Variants in MACROD2 observed in about 807,000 individuals in gnomAD.
The protein encoded by MACROD2 is mono-ADP ribosylhydrolase 2.
In MACROD2, 36 loss-of-function variants were observed where a neutral mutation model predicts 70.4. That is an observed-to-expected ratio of 0.51 (90% confidence interval 0.39 to 0.68). The LOEUF (loss-of-function observed/expected upper bound fraction) is 0.68, where lower values mean the gene tolerates loss of function less well. MACROD2 is among the 30% of genes least tolerant of loss of function. MACROD2 has a pLI of 0.00. For missense variants in MACROD2, 496 were observed against 538.4 expected, an observed-to-expected ratio of 0.92 and a Z score of 0.78; for synonymous variants, 172 against 178.8, an observed-to-expected ratio of 0.96 and a Z score of 0.30.
chr20:15,133,365 G>T (rs1314677504), intron 5 of MACROD2, among the ~76,000 whole-genome samples: 1 of 151,972 alleles, frequency 6.6e-6, no homozygotes, highest in East Asian at 1.9e-4. Flanking sequence ...AGAAAAATAT[G>T]AACAGTTCAT....
intron 4 of MACROD2, among the ~76,000 whole-genome samples, chr20:14,520,804 G>C (rs574054047): frequency 4.0e-5 from 6 of 151,624 alleles, no homozygotes; most frequent in African/African-American, 1.5e-4. Flanking sequence ...TTTTTTTCTT[G>C]TTTGTTATAG....
intron 5 of MACROD2, among the ~76,000 whole-genome samples, chr20:15,224,054 T>G (rs1203661022): frequency 6.6e-6 from 1 of 152,084 alleles, no homozygotes; most frequent in Non-Finnish European, 1.5e-5. Context: ...TGAGACCACA[T>G]GAAGAGAGAA....
At chr20:15,324,705 C>A (rs544429915) in intron 6 of MACROD2, among the ~76,000 whole-genome samples, 1 of 152,218 alleles carries the variant, frequency 6.6e-6, no homozygotes, top group South Asian at 2.1e-4. Context: ...CGAAGGAGGT[C>A]TTTTTTGTCC....
At chr20:15,343,021 T>A (rs1047048266) in intron 6 of MACROD2, among the ~76,000 whole-genome samples, 20 of 152,230 alleles carry the variant, frequency 1.3e-4, no homozygotes, top group African/African-American at 4.6e-4. Flanking sequence ...TTAATGATTA[T>A]AAAGTGCTTT....
At chr20:15,139,266 C>T (rs1465755425) in intron 5 of MACROD2, among the ~76,000 whole-genome samples, 1 of 152,118 alleles carries the variant, frequency 6.6e-6, no homozygotes, top group Non-Finnish European at 1.5e-5. Context: ...CAGGGAAGAG[C>T]AGGGAGTATA....
intron 4 of MACROD2, among the ~76,000 whole-genome samples, chr20:14,588,794 C>T (rs1186535956): frequency 6.6e-6 from 1 of 152,180 alleles, no homozygotes; most frequent in African/African-American, 2.4e-5. Context: ...ACATGATAAA[C>T]ATTGTACGAC....
intron 8 of MACROD2, among the ~76,000 whole-genome samples, chr20:15,803,419 A>C (rs1391769333): frequency 6.6e-6 from 1 of 152,178 alleles, no homozygotes; most frequent in Non-Finnish European, 1.5e-5. Flanking sequence ...GGATGAAAAG[A>C]AAGAGAAAAT....
At chr20:15,065,517 C>T (rs1410181240) in intron 5 of MACROD2, among the ~76,000 whole-genome samples, 1 of 152,008 alleles carries the variant, frequency 6.6e-6, no homozygotes, top group East Asian at 1.9e-4. Flanking sequence ...TAGCCAGGCT[C>T]GGTGGCAGCG....
At chr20:15,464,923 T>G (rs894709356) in intron 7 of MACROD2, among the ~76,000 whole-genome samples, 3 of 152,182 alleles carry the variant, frequency 2.0e-5, no homozygotes, top group African/African-American at 7.2e-5. Flanking sequence ...GCATAAACAC[T>G]GGGTAGGACT....
At chr20:14,716,739 T>C (rs974643831) in intron 5 of MACROD2, among the ~76,000 whole-genome samples, 1 of 152,060 alleles carries the variant, frequency 6.6e-6, no homozygotes, top group Non-Finnish European at 1.5e-5. Flanking sequence ...AAAAAATGTG[T>C]AATTGAAACA....
At chr20:14,074,317 C>A (rs74389455) in intron 2 of MACROD2, among the ~76,000 whole-genome samples, 1 of 152,032 alleles carries the variant, frequency 6.6e-6, no homozygotes, top group Non-Finnish European at 1.5e-5. Context: ...AGTTAATGGT[C>A]CTGTGATACG....
rs557699516 is a variant in MACROD2, at chr20:15,516,376, T to C, written c.645+16529T>C. On this transcript the variant is annotated intron_variant, in intron 8 of 17. Transcript: ENST00000684519. ...AGTCTTTATTTATTTATTTAGCAAA[T>C]ATTCACTGAGTAGCTGGCACACCCT... Among the ~76,000 whole-genome samples, 5 of 152,306 alleles carry C rather than the reference T, an allele frequency of 3.3e-5. No homozygotes were observed. In the East Asian group the frequency reaches 9.6e-4, roughly 29 times the overall value.
chr20:15,730,571 A>G (rs2050932311), intron 8 of MACROD2, among the ~76,000 whole-genome samples: 1 of 152,032 alleles, frequency 6.6e-6, no homozygotes, highest in South Asian at 2.1e-4. Context: ...GCCTGATGGG[A>G]TTCTCTTTGT....
chr20:15,125,919 A>T (rs1044690303), intron 5 of MACROD2, among the ~76,000 whole-genome samples: 2 of 120,718 alleles, frequency 1.7e-5, no homozygotes, highest in Non-Finnish European at 4.2e-5. Flanking sequence ...GACATTTCAT[A>T]TAAATACAGT....
At chr20:14,714,170 A>C (rs2123668861) in intron 5 of MACROD2, among the ~76,000 whole-genome samples, 1 of 152,308 alleles carries the variant, frequency 6.6e-6, no homozygotes. Flanking sequence ...GGGTACGTGG[A>C]AAATGACAGA....
At chr20:14,769,902 T>C (rs893633832) in intron 5 of MACROD2, among the ~76,000 whole-genome samples, 1 of 152,014 alleles carries the variant, frequency 6.6e-6, no homozygotes, top group African/African-American at 2.4e-5. Context: ...ACACAGAAAC[T>C]AATTAAATGT....
chr20:15,504,212 C>T (rs2032704068), intron 8 of MACROD2, among the ~76,000 whole-genome samples: 1 of 152,096 alleles, frequency 6.6e-6, no homozygotes, highest in African/African-American at 2.4e-5. Context: ...CTGTTGCCCA[C>T]CATCCACTTG....
chr20:14,156,318 G>A (rs1407053040), intron 3 of MACROD2, among the ~76,000 whole-genome samples: 2 of 152,080 alleles, frequency 1.3e-5, no homozygotes, highest in East Asian at 3.8e-4. Flanking sequence ...AATATTTTAA[G>A]GAATGTATTG....
intron 2 of MACROD2, among the ~76,000 whole-genome samples, chr20:14,070,472 T>G (rs2053823420): frequency 6.6e-6 from 1 of 152,170 alleles, no homozygotes; most frequent in Non-Finnish European, 1.5e-5. Flanking sequence ...CCGTAAAACC[T>G]CTTACCGAAC....
Sources: gnomAD v4.1 joint callset for allele counts (sites outside exome capture counted in the v4.1 genomes callset) on GRCh38, gnomAD v4.1.1 for gene constraint, MANE v1.5 for transcripts, NCBI Gene and HGNC (gene_info 2026-07-23, HGNC 2026-07-21) for gene names.